Variants in FAM50B observed in about 807,000 individuals in gnomAD.
FAM50B encodes the protein protein FAM50B.
Under a neutral mutation model 25.4 loss-of-function variants are expected in FAM50B, and 9 were observed. That is an observed-to-expected ratio of 0.35 (90% CI 0.21 to 0.62). FAM50B has a LOEUF of 0.62. FAM50B is among the 20% of genes least tolerant of loss of function. The probability of loss-of-function intolerance (pLI) is 0.73; values close to 1 mark genes in which losing one functional copy is unlikely to be tolerated. For missense variants in FAM50B, 372 were observed against 477.9 expected (o/e 0.78, Z 2.07); for synonymous variants, 212 against 204.3 (o/e 1.04, Z -0.32).
chr6:3,840,891 GA>G, the FAM50B span, among the ~76,000 whole-genome samples: 15 of 152,036 alleles, frequency 9.9e-5, no homozygotes, highest in African/African-American at 3.4e-4. Context: ...AATAAGAAAT[GA>G]AAAAAAGCTT....
Position 3,849,794 on chromosome 6 carries a change from A to G in FAM50B, c.-18A>G, listed in dbSNP as rs1352731507. Reference sequence around the variant, plus strand: ...GTTTTTCCTCTTTGCTGCAGAGCCCATCGGGTAGGCGCGGGCCATGGCGCA... The same window carrying G: ...GTTTTTCCTCTTTGCTGCAGAGCCCGTCGGGTAGGCGCGGGCCATGGCGCA... On this transcript the variant is annotated 5_prime_UTR_variant, in exon 2 of 2. Transcript: ENST00000648326. 1.9e-6 allele frequency: 3 copies of G among 1,589,422 alleles called. No individual in the cohort carries two copies. In the Admixed American group the frequency reaches 5.1e-5, roughly 27 times the overall value.
rs1389249362 is a variant in FAM50B, at chr6:3,850,705, C to G, written c.894C>G (p.Tyr298Ter). 2 of 1,613,968 alleles carry G rather than the reference C, an allele frequency of 1.2e-6. No individual in the cohort carries two copies. The highest frequency in any genetic ancestry group is 1.7e-5 in the Admixed American group (1 of 60,014). ...HAGKVVLRSW[Y>*]EKNKHIFPAS... ...GCAAGGTGGTGCTGCGCAGCTGGTA[C>G]GAGAAGAACAAGCACATCTTCCCCG... The change falls in exon 2 of 2, where the codon TAC (tyrosine) becomes TAG (stop). Residue 298 changes from tyrosine (Y) to a stop codon, truncating the protein, a stop_gained. Transcript: ENST00000648326. LOFTEE classifies it high-confidence loss of function.
Position 3,850,708 on chromosome 6 carries a change from G to C in FAM50B, c.897G>C (p.Glu299Asp). The change falls in exon 2 of 2, where the codon GAG becomes GAC. Residue 299 changes from glutamate (E) to aspartate (D), a missense_variant. Glu to Asp is a conservative substitution (Grantham distance 45). Coordinates refer to ENST00000648326, the MANE Select transcript of FAM50B (RefSeq NM_012135.3). Reference sequence around the variant, plus strand: ...AGGTGGTGCTGCGCAGCTGGTACGAGAAGAACAAGCACATCTTCCCCGCCA... The same window carrying C: ...AGGTGGTGCTGCGCAGCTGGTACGACAAGAACAAGCACATCTTCCCCGCCA... Reference protein sequence around the residue: ...AGKVVLRSWYEKNKHIFPASR... With the variant: ...AGKVVLRSWYDKNKHIFPASR... 6.2e-7 allele frequency: 1 copy of C among 1,614,110 alleles called. No homozygotes were observed.
chr6:3,847,651 C>T (rs1581301665), upstream of FAM50B, among the ~76,000 whole-genome samples: 1 of 152,226 alleles, frequency 6.6e-6, no homozygotes, highest in Non-Finnish European at 1.5e-5. Flanking sequence ...ACCAGGAAAG[C>T]GCTTTCAGTT....
chr6:3,837,246 T>G, the FAM50B span, among the ~76,000 whole-genome samples: 2 of 152,128 alleles, frequency 1.3e-5, no homozygotes, highest in Admixed American at 1.3e-4. Context: ...TTCATCAAAA[T>G]TAAAAATTTT....
the FAM50B span, among the ~76,000 whole-genome samples, chr6:3,841,488 G>A: frequency 6.6e-6 from 1 of 152,160 alleles, no homozygotes; most frequent in South Asian, 2.1e-4. Flanking sequence ...TGAAAGTGAA[G>A]GGAACAAATG....
upstream of FAM50B, among the ~76,000 whole-genome samples, chr6:3,844,997 G>T (rs1762105303): frequency 6.6e-6 from 1 of 152,120 alleles, no homozygotes; most frequent in Admixed American, 6.5e-5. Context: ...AGAATAACTA[G>T]AACAATCATT....
At chr6:3,838,609 C>T in the FAM50B span, among the ~76,000 whole-genome samples, 2 of 151,888 alleles carry the variant, frequency 1.3e-5, no homozygotes. Context: ...TTTGGGAGGC[C>T]GAGGCAGGCA....
At chr6:3,836,263 G>T in the FAM50B span, among the ~76,000 whole-genome samples, 2 of 152,178 alleles carry the variant, frequency 1.3e-5, no homozygotes, top group Non-Finnish European at 2.9e-5. Context: ...GGCAATTCTT[G>T]TATAGAGAAT....
At chr6:3,833,236 G>A in the FAM50B span, among the ~76,000 whole-genome samples, 8 of 152,216 alleles carry the variant, frequency 5.3e-5, no homozygotes, top group Non-Finnish European at 1.0e-4. Context: ...AAGCCTGTGG[G>A]GTGGTAATTT....
the FAM50B span, among the ~76,000 whole-genome samples, chr6:3,839,876 T>C: frequency 2.0e-5 from 3 of 152,238 alleles, no homozygotes; most frequent in African/African-American, 7.2e-5. Context: ...CCGGGAGCGG[T>C]GGCTCAAGCC....
chr6:3,842,448 T>C, the FAM50B span, among the ~76,000 whole-genome samples: 1 of 152,238 alleles, frequency 6.6e-6, no homozygotes, highest in Non-Finnish European at 1.5e-5. Flanking sequence ...ACATTCCTGA[T>C]ACATTTAGTA....
the FAM50B span, chr6:3,833,790 G>C: frequency 6.6e-6 from 1 of 152,134 alleles, no homozygotes; most frequent in African/African-American, 2.4e-5. Context: ...CAGAAAGAGG[G>C]ATGGCGAGAT....
In FAM50B at chr6:3,850,541, C is replaced by T; in HGVS notation, c.730C>T (p.Leu244=). The change falls in exon 2 of 2, where the codon CTG becomes TTG. Residue 244 remains leucine, a synonymous_variant. Coordinates refer to ENST00000648326, the MANE Select transcript of FAM50B (RefSeq NM_012135.3). ...QLMFIKEDLI[L]PHYHTFYDFI... is the part of the protein sequence containing the mutation. ...CATGTTCATCAAGGAGGACCTCATC[C>T]TGCCGCACTACCACACCTTCTACGA... 6.2e-7 allele frequency: 1 copy of T among 1,614,088 alleles called. No individual in the cohort carries two copies.
rs756879550 is a variant in FAM50B at position 3,850,545 on chromosome 6, C to T, written c.734C>T (p.Pro245Leu). Residue 245 changes from proline to leucine, a missense_variant, in exon 2 of 2, where the codon CCG becomes CTG. Pro to Leu is a moderately conservative substitution (Grantham distance 98, BLOSUM62 -3). This residue lies in a region of FAM50B where 27 missense variants were observed against 61.6 expected (regional missense o/e 0.44). Coordinates refer to ENST00000648326, the MANE Select transcript of FAM50B (RefSeq NM_012135.3). ...TTCATCAAGGAGGACCTCATCCTGC[C>T]GCACTACCACACCTTCTACGACTTC... ...LMFIKEDLILPHYHTFYDFII... is the reference protein window; with the variant it reads ...LMFIKEDLILLHYHTFYDFII... The T allele has an allele frequency of 1.9e-6, 3 of 1,614,072 alleles. No individual in the cohort carries two copies. The highest frequency in any genetic ancestry group is 1.7e-6 in the Non-Finnish European group (2 of 1,180,022).
the FAM50B span, among the ~76,000 whole-genome samples, chr6:3,832,446 G>C: frequency 2.0e-5 from 3 of 152,206 alleles, no homozygotes; most frequent in Non-Finnish European, 4.4e-5. Context: ...ACAGTGAACA[G>C]TTCCATCCAA....
chr6:3,849,560 A>G (rs1762171785), intron 1 of FAM50B, 74 bp downstream of exon 1: 1 of 569,182 alleles, frequency 1.8e-6, no homozygotes, highest in Non-Finnish European at 2.9e-6. Context: ...CAGGCATGGC[A>G]GCCACCCGTT....
upstream of FAM50B, among the ~76,000 whole-genome samples, chr6:3,846,456 G>A (rs1230815880): frequency 6.6e-6 from 1 of 152,226 alleles, no homozygotes; most frequent in East Asian, 1.9e-4. Flanking sequence ...TCAGTGAGCT[G>A]TGCTCTATTT....
At chr6:3,846,143 G>A (rs1362449696), upstream of FAM50B, among the ~76,000 whole-genome samples, 3 of 152,110 alleles carry the variant, frequency 2.0e-5, no homozygotes, top group Non-Finnish European at 4.4e-5. Context: ...AGGGAAGTTG[G>A]AGTTTTTCAA....
Sources: gnomAD v4.1 joint callset for allele counts (sites outside exome capture counted in the v4.1 genomes callset) on GRCh38, gnomAD v4.1.1 for gene constraint, gnomAD v4.1.1 regional missense constraint, MANE v1.5 for transcripts, NCBI Gene and HGNC (gene_info 2026-07-23, HGNC 2026-07-21) for gene names.